The following ANXA8 variants were observed in gnomAD, a reference collection of about 807,000 sequenced individuals.
ANXA8 encodes the protein annexin A8.
Under a neutral mutation model 26.8 loss-of-function variants are expected in ANXA8, and 9 were observed. That is an observed-to-expected ratio of 0.34 (90% CI 0.20 to 0.59). The LOEUF (loss-of-function observed/expected upper bound fraction) is 0.59. Among genes scored for constraint, ANXA8 ranks in the 20% least tolerant of loss-of-function variants. ANXA8 has a pLI of 0.84. For synonymous variants in ANXA8, 39 were observed against 94.8 expected, an observed-to-expected ratio of 0.41 and a Z score of 3.42; for missense variants, 83 against 238.5, an observed-to-expected ratio of 0.35 and a Z score of 4.29.
the ANXA8 span, among the ~76,000 whole-genome samples, chr10:47,589,903 TGATAGATAGATAGATA>T: frequency 8.0e-6 from 1 of 125,662 alleles, no homozygotes; most frequent in Non-Finnish European, 1.6e-5. Context: ...GATAGATAGA[TGATAGATAGATAGATA>T]GATAGATAGA....
the ANXA8 span, among the ~76,000 whole-genome samples, chr10:47,970,939 G>T: frequency 4.0e-5 from 6 of 151,396 alleles, no homozygotes; most frequent in South Asian, 2.1e-4. Context: ...TAATGGTGGA[G>T]TGACCCCCAC....
chr10:47,743,301 T>TATATATACATATATATAC, the ANXA8 span, among the ~76,000 whole-genome samples: 64 of 41,324 alleles, frequency 1.5e-3, 3 homozygotes, highest in East Asian at 3.7e-3. Context: ...TATACACATA[T>TATATATACATATATATAC]ATATATATAT....
chr10:47,689,377 G>A, the ANXA8 span, among the ~76,000 whole-genome samples: 3 of 151,756 alleles, frequency 2.0e-5, no homozygotes, highest in Admixed American at 1.3e-4. Context: ...GGCGTTTCAC[G>A]CTGTTAGGCA....
At chr10:47,525,746 C>T in the ANXA8 span, among the ~76,000 whole-genome samples, 1 of 130,970 alleles carries the variant, frequency 7.6e-6, no homozygotes, top group Non-Finnish European at 1.6e-5. Context: ...TATAGAAATA[C>T]AATTGATAAA....
chr10:47,500,436 T>G, the ANXA8 span, among the ~76,000 whole-genome samples: 1 of 150,234 alleles, frequency 6.7e-6, no homozygotes, highest in South Asian at 2.1e-4. Context: ...TCTGGAACCA[T>G]CGGCAGCTGC....
the ANXA8 span, among the ~76,000 whole-genome samples, chr10:47,686,448 G>A: frequency 6.6e-6 from 1 of 151,712 alleles, no homozygotes; most frequent in Admixed American, 6.6e-5. Context: ...CTGACCTCAG[G>A]TGATCCACCT....
chr10:47,483,488 C>G (rs1156366793), intron 1 of ANXA8, among the ~76,000 whole-genome samples: 1 of 136,004 alleles, frequency 7.4e-6, no homozygotes, highest in Non-Finnish European at 1.5e-5. Flanking sequence ...TCCCTGCCCT[C>G]TGACCCTCTG....
chr10:47,603,251 G>A, the ANXA8 span, among the ~76,000 whole-genome samples: 1 of 148,112 alleles, frequency 6.8e-6, no homozygotes, highest in African/African-American at 2.7e-5. Context: ...GAAAAATAAA[G>A]GAGAATAAGA....
At chr10:47,645,515 AAG>A in the ANXA8 span, among the ~76,000 whole-genome samples, 2 of 150,038 alleles carry the variant, frequency 1.3e-5, no homozygotes, top group African/African-American at 2.5e-5. Context: ...AAGAAAGAGA[AAG>A]AGAAAGACAA....
chr10:47,973,683 C>A, the ANXA8 span, among the ~76,000 whole-genome samples: 1 of 150,806 alleles, frequency 6.6e-6, no homozygotes, highest in Admixed American at 6.6e-5. Context: ...AGGTCTTGGG[C>A]ATTTTTAGAA....
chr10:47,673,555 C>T, the ANXA8 span, among the ~76,000 whole-genome samples: 1 of 150,276 alleles, frequency 6.7e-6, no homozygotes, highest in South Asian at 2.1e-4. Context: ...ACGAGGGCAC[C>T]TGAGCTTCAG....
chr10:47,653,035 T>A, the ANXA8 span, among the ~76,000 whole-genome samples: 5 of 151,354 alleles, frequency 3.3e-5, no homozygotes, highest in Non-Finnish European at 7.4e-5. Flanking sequence ...GTCAAGCCCG[T>A]GTGCAGTGGC....
At chr10:47,680,838 G>A in the ANXA8 span, among the ~76,000 whole-genome samples, 2 of 150,714 alleles carry the variant, frequency 1.3e-5, no homozygotes, top group Admixed American at 6.6e-5. Context: ...CTTTGATAAG[G>A]AAGCTCCTTT....
At chr10:47,618,730 C>A in the ANXA8 span, among the ~76,000 whole-genome samples, 1 of 111,964 alleles carries the variant, frequency 8.9e-6, no homozygotes, top group East Asian at 2.1e-4. Flanking sequence ...AAGGCCTAGT[C>A]TAATATTACT....
chr10:47,945,129 C>G, the ANXA8 span, among the ~76,000 whole-genome samples: 2 of 150,284 alleles, frequency 1.3e-5, no homozygotes, highest in Non-Finnish European at 2.9e-5. Flanking sequence ...GAGTTCGACC[C>G]TCTTGTGGTT....
chr10:47,522,620 AG>A, the ANXA8 span, among the ~76,000 whole-genome samples: 16 of 128,142 alleles, frequency 1.2e-4, no homozygotes, highest in Non-Finnish European at 8.0e-5. Context: ...ATTTTAAATA[AG>A]AAATCCCCAA....
chr10:47,743,299 T>TATATATATACATATATATATAC, the ANXA8 span, among the ~76,000 whole-genome samples: 1 of 9,406 alleles, frequency 1.1e-4, no homozygotes, highest in Non-Finnish European at 2.1e-4. Context: ...TATATACACA[T>TATATATATACATATATATATAC]ATATATATAT....
the ANXA8 span, among the ~76,000 whole-genome samples, chr10:47,773,841 GT>G: frequency 2.0e-5 from 3 of 147,418 alleles, no homozygotes; most frequent in Non-Finnish European, 3.0e-5. Flanking sequence ...TGAAATAAAA[GT>G]TTAAAAAAAG....
the ANXA8 span, among the ~76,000 whole-genome samples, chr10:47,574,073 T>G: frequency 2.4e-5 from 2 of 84,906 alleles, no homozygotes; most frequent in Non-Finnish European, 5.0e-5. Context: ...CTTTAATTAT[T>G]TTATGGGGGG....
Sources: allele counts gnomAD v4.1 joint callset (sites outside exome capture counted in the v4.1 genomes callset), GRCh38; gene constraint gnomAD v4.1.1; transcripts MANE v1.5; gene names NCBI Gene and HGNC (gene_info 2026-07-23, HGNC 2026-07-21).